Variants in PRMT8 observed in about 807,000 individuals in gnomAD.
PRMT8 encodes protein arginine methyltransferase 8.
Under a neutral mutation model 47.1 loss-of-function variants are expected in PRMT8, and 7 were observed. The observed-to-expected ratio is 0.15, with a 90% CI of 0.08 to 0.28. The LOEUF (loss-of-function observed/expected upper bound fraction) is 0.28, where lower values mean the gene tolerates loss of function less well. Ranked by LOEUF, PRMT8 falls within the 10% of genes least tolerant of loss-of-function variation. The pLI is 1.00. For synonymous variants in PRMT8, 188 were observed against 186.5 expected, an observed-to-expected ratio of 1.01 and a Z score of -0.07; for missense variants, 237 against 505.4, an observed-to-expected ratio of 0.47 and a Z score of 5.09.
intron 1 of PRMT8, among the ~76,000 whole-genome samples, chr12:3,388,898 G>A (rs1182971323): frequency 6.6e-6 from 1 of 152,172 alleles, no homozygotes; most frequent in African/African-American, 2.4e-5. Flanking sequence ...AAAGCCTGAT[G>A]CGTGTCAGTC....
intron 2 of PRMT8, among the ~76,000 whole-genome samples, chr12:3,541,122 G>T (rs946320560): frequency 2.6e-5 from 4 of 152,218 alleles, no homozygotes; most frequent in Non-Finnish European, 5.9e-5. Flanking sequence ...GCTGGATAGC[G>T]CTGGTCTTTG....
rs1411462309 is a variant in PRMT8 at position 3,469,944 on chromosome 12, G to A, written c.49-70662G>A. ...AGCATCGCCACGTGCTGGCCAAGGT[G>A]CCGAGGAGCACACAGAGGACTGAGA... On this transcript the variant is annotated intron_variant, in intron 1 of 9. Coordinates refer to the PRMT8 transcript ENST00000452611. Among the ~76,000 whole-genome samples, 3 of 152,170 alleles carry A rather than the reference G, an allele frequency of 2.0e-5. No individual in the cohort carries two copies. In the East Asian group the frequency reaches 5.8e-4, roughly 29 times the overall value.
intron 1 of PRMT8, among the ~76,000 whole-genome samples, chr12:3,415,133 G>T (rs924620206): frequency 6.6e-6 from 1 of 152,052 alleles, no homozygotes; most frequent in Admixed American, 6.5e-5. Context: ...GGCTGGAGTG[G>T]CTCACAGAAC....
chr12:3,547,688 AC>A (rs1442441186), intron 2 of PRMT8, among the ~76,000 whole-genome samples: 1 of 152,194 alleles, frequency 6.6e-6, no homozygotes, highest in Non-Finnish European at 1.5e-5. Context: ...TTTTTGAAAA[AC>A]TAAATAAAAT....
chr12:3,578,391 AT>A (rs34112556), intron 7 of PRMT8, among the ~76,000 whole-genome samples: 1,618 of 146,278 alleles, frequency 0.011, 11 homozygotes, highest in Middle Eastern at 0.018. Context: ...GGCATGGCTA[AT>A]TTTTTTTTTT....
chr12:3,415,764 C>A (rs1226806457), intron 1 of PRMT8, among the ~76,000 whole-genome samples: 1 of 152,224 alleles, frequency 6.6e-6, no homozygotes, highest in Non-Finnish European at 1.5e-5. Context: ...AAACCCCTCA[C>A]TGTCGTTGTA....
intron 1 of PRMT8, among the ~76,000 whole-genome samples, chr12:3,506,007 G>T (rs1427440430): frequency 6.6e-6 from 1 of 152,186 alleles, no homozygotes; most frequent in East Asian, 1.9e-4. Flanking sequence ...GGGCAGGAAG[G>T]ACAATAAATA....
rs943179598 is a variant in PRMT8 at position 3,514,430 on chromosome 12, G to T, written c.75+22730G>T. Reference sequence around the variant, plus strand: ...GGCTGCAAGACGTGGTTTAGAGAGGGGTTGCTCACCCAGGCCTGCAGAGCC... The same window carrying T: ...GGCTGCAAGACGTGGTTTAGAGAGGTGTTGCTCACCCAGGCCTGCAGAGCC... On this transcript the variant is annotated intron_variant, in intron 1 of 9. Coordinates refer to ENST00000382622, the MANE Select transcript of PRMT8 (RefSeq NM_019854.5). The surrounding 1 kb of genome is among the most constrained non-coding windows in gnomAD (Gnocchi z 5.9). Among the ~76,000 whole-genome samples the T allele has an allele frequency of 6.6e-6, 1 of 152,070 alleles. No homozygotes were observed. Among genetic ancestry groups the T allele is most frequent in the African/African-American group, 2.4e-5 (1 of 41,410 alleles).
intron 1 of PRMT8, among the ~76,000 whole-genome samples, chr12:3,442,573 A>G (rs1246198499): frequency 6.6e-6 from 1 of 152,182 alleles, no homozygotes; most frequent in Non-Finnish European, 1.5e-5. Context: ...AGAATGGGGT[A>G]CCAGGGCTTG....
At chr12:3,464,026 G>C (rs1190370768) in intron 1 of PRMT8, among the ~76,000 whole-genome samples, 2 of 152,172 alleles carry the variant, frequency 1.3e-5, no homozygotes, top group Non-Finnish European at 2.9e-5. Flanking sequence ...CGGGGCGGAG[G>C]GAGCCTCTGT....
At chr12:3,451,058 C>T (rs539286654) in intron 1 of PRMT8, among the ~76,000 whole-genome samples, 11 of 84,238 alleles carry the variant, frequency 1.3e-4, no homozygotes, top group Admixed American at 2.3e-4. Flanking sequence ...CCCCCCCCGC[C>T]GAAAGGTTTT....
chr12:3,476,519 G>C (rs1478619257), intron 1 of PRMT8, among the ~76,000 whole-genome samples: 1 of 152,146 alleles, frequency 6.6e-6, no homozygotes, highest in African/African-American at 2.4e-5. Flanking sequence ...CTTTCAACAA[G>C]AGCCTCATCC....
chr12:3,511,723 T>C (rs923892603), intron 1 of PRMT8, among the ~76,000 whole-genome samples: 8 of 152,186 alleles, frequency 5.3e-5, no homozygotes, highest in African/African-American at 1.4e-4. Flanking sequence ...GCAGCTGTTC[T>C]ATTGGTGCCT....
chr12:3,475,193 C>G (rs1185108987), intron 1 of PRMT8, among the ~76,000 whole-genome samples: 1 of 152,156 alleles, frequency 6.6e-6, no homozygotes, highest in African/African-American at 2.4e-5. Flanking sequence ...GGCCGTGGAA[C>G]ATCTTGGGTT....
rs575260839 is a variant in PRMT8 at position 3,565,552 on chromosome 12, G to A, written c.482-3154G>A. Among the ~76,000 whole-genome samples the A allele has an allele frequency of 2.6e-5, 4 of 152,290 alleles. No homozygotes were observed. In the South Asian group the frequency reaches 8.3e-4, roughly 32 times the overall value. ...TGTCTGCACTTGAATAGATGTAGAA[G>A]GGTGATGTTAAGAGAACAGAAGTCC... On this transcript the variant is annotated intron_variant, in intron 4 of 9. Transcript: ENST00000382622.
At chr12:3,507,822 G>A (rs890233803) in intron 1 of PRMT8, among the ~76,000 whole-genome samples, 3 of 147,342 alleles carry the variant, frequency 2.0e-5, no homozygotes, top group Non-Finnish European at 1.5e-5. Flanking sequence ...GCAGTGGTGC[G>A]ATCTCGGATC....
At chr12:3,540,861 C>CAT in intron 2 of PRMT8, 70 bp downstream of exon 2, 1 of 1,487,186 alleles carries the variant, frequency 6.7e-7, no homozygotes, top group Non-Finnish European at 9.2e-7. Context: ...TCAGAGGCAG[C>CAT]ATAGTGTGTT....
chr12:3,382,823 C>G (rs1257733093), intron 1 of PRMT8, among the ~76,000 whole-genome samples: 1 of 152,080 alleles, frequency 6.6e-6, no homozygotes, highest in East Asian at 1.9e-4. Context: ...TCTCCTGTGC[C>G]TTTTCTAAAA....
chr12:3,579,028 T>G (rs1180276472), intron 7 of PRMT8, among the ~76,000 whole-genome samples: 2 of 152,276 alleles, frequency 1.3e-5, no homozygotes, highest in East Asian at 3.9e-4. Flanking sequence ...TCCTTTTGTT[T>G]CTTTCTACCA....
Sources: gnomAD v4.1 joint callset for allele counts (sites outside exome capture counted in the v4.1 genomes callset) on GRCh38, gnomAD v4.1.1 for gene constraint, Gnocchi (gnomAD v3.1) non-coding constraint, MANE v1.5 for transcripts, NCBI Gene and HGNC (gene_info 2026-07-23, HGNC 2026-07-21) for gene names.